TANC1: variants seen among roughly 807,000 people sequenced by gnomAD.
TANC1 encodes the protein tetratricopeptide repeat, ankyrin repeat and coiled-coil containing 1.
TANC1 carries 77 observed loss-of-function variants against 149.7 expected under a neutral mutation model. The ratio of observed to expected loss-of-function variants is 0.51; its 90% CI spans 0.43 to 0.62. The LOEUF (loss-of-function observed/expected upper bound fraction) is 0.62. TANC1 is among the 20% of genes least tolerant of loss of function. TANC1 has a pLI of 0.00. For missense variants in TANC1, 1,985 were observed against 2,321.8 expected, an observed-to-expected ratio of 0.85 and a Z score of 2.98; for synonymous variants, 854 against 925.0, an observed-to-expected ratio of 0.92 and a Z score of 1.39.
chr2:159,228,515 CCT>C (rs760684296), intron 25 of TANC1: 59 of 419,668 alleles, frequency 1.4e-4, no homozygotes, highest in Non-Finnish European at 2.3e-4. Context: ...TGTCTGCGCT[CCT>C]CTCTGAGGCT....
Position 159,172,181 on chromosome 2 carries a change from G to A in TANC1, c.1412G>A (p.Ser471Asn), listed in dbSNP as rs1426021254. ...TTGCTTTCACCGAGTTCTTCCACAAGTGCTTCCAGCACAGCTAAAACACCT... is the reference window on the plus strand; with the variant it reads ...TTGCTTTCACCGAGTTCTTCCACAAATGCTTCCAGCACAGCTAAAACACCT... ...TPLLSPSSSTSASSTAKTPLG... is the reference protein window; with the variant it reads ...TPLLSPSSSTNASSTAKTPLG... Residue 471 changes from serine (S) to asparagine (N), a missense_variant, in exon 11 of 27, where the codon AGT becomes AAT. Physicochemically the swap from Ser to Asn is conservative, Grantham distance 46 (BLOSUM62 1). Coordinates refer to ENST00000263635, the MANE Select transcript of TANC1 (RefSeq NM_033394.3). 4.3e-6 allele frequency: 7 copies of A among 1,614,076 alleles called. No individual in the cohort carries two copies. The Admixed American group carries it at 1.2e-4, about 27-fold the overall frequency.
intron 4 of TANC1, among the ~76,000 whole-genome samples, chr2:159,105,470 A>G (rs1388327474): frequency 3.3e-5 from 5 of 152,144 alleles, no homozygotes; most frequent in Admixed American, 6.5e-5. Flanking sequence ...TAGAACTTCC[A>G]ACAGGAATAC....
chr2:159,170,503 T>A (rs1336394304), intron 9 of TANC1, 21 bp from the exon 10 acceptor site: 2 of 1,549,578 alleles, frequency 1.3e-6, no homozygotes, highest in Non-Finnish European at 1.7e-6. Flanking sequence ...TTTTCTAAAA[T>A]TTTTTTTTCT....
chr2:159,136,078 G>T, intron 4 of TANC1, 116 bp from the exon 5 acceptor site: 1 of 649,760 alleles, frequency 1.5e-6, no homozygotes. Flanking sequence ...GGGAGGGGAA[G>T]GCACTGGCTC....
intron 2 of TANC1, among the ~76,000 whole-genome samples, chr2:159,020,067 T>C (rs1034474724): frequency 6.6e-6 from 1 of 152,208 alleles, no homozygotes; most frequent in Non-Finnish European, 1.5e-5. Flanking sequence ...TAATTTATTG[T>C]TTCATTACGG....
chr2:159,201,085 G>A (rs2058211079), intron 19 of TANC1, among the ~76,000 whole-genome samples: 1 of 152,012 alleles, frequency 6.6e-6, no homozygotes, highest in African/African-American at 2.4e-5. Context: ...GCTTTCTGTG[G>A]ACTGCATGTC....
At chr2:159,201,010 C>T (rs1258705527) in intron 19 of TANC1, among the ~76,000 whole-genome samples, 4 of 151,814 alleles carry the variant, frequency 2.6e-5, no homozygotes, top group Non-Finnish European at 4.4e-5. Context: ...TTACTTGAGA[C>T]GTTTGTTAAA....
intron 1 of TANC1, among the ~76,000 whole-genome samples, chr2:158,981,519 AT>A (rs2034359916): frequency 8.2e-6 from 1 of 121,504 alleles, no homozygotes; most frequent in Non-Finnish European, 1.8e-5. Context: ...ATATATATAT[AT>A]ATATATATAT....
chr2:159,006,460 T>G (rs2037190477), intron 2 of TANC1, among the ~76,000 whole-genome samples: 1 of 152,200 alleles, frequency 6.6e-6, no homozygotes, highest in African/African-American at 2.4e-5. Flanking sequence ...GGTACAGTAG[T>G]CTTTAAACAT....
chr2:159,226,217 C>A (rs2060018081), intron 24 of TANC1: 1 of 179,336 alleles, frequency 5.6e-6, no homozygotes, highest in Admixed American at 6.2e-5. Flanking sequence ...TGGCCTCATG[C>A]CCGTTGTTGG....
intron 1 of TANC1, among the ~76,000 whole-genome samples, chr2:158,987,713 G>A (rs1299300684): frequency 6.6e-6 from 1 of 152,060 alleles, no homozygotes; most frequent in Non-Finnish European, 1.5e-5. Context: ...TAGTCCCTTT[G>A]CCCCACTATG....
At chr2:159,017,929 A>C (rs2149408612) in intron 2 of TANC1, among the ~76,000 whole-genome samples, 1 of 152,314 alleles carries the variant, frequency 6.6e-6, no homozygotes, top group South Asian at 2.1e-4. Flanking sequence ...GAAATGTAAA[A>C]ATAGTACCCT....
Position 159,186,908 on chromosome 2 carries a change from A to G in TANC1, c.2626A>G (p.Ser876Gly). The change falls in exon 16 of 27, where the codon AGT becomes GGT. Residue 876 changes from serine to glycine, a missense_variant. Ser to Gly is a moderately conservative substitution (Grantham distance 56). This residue lies in a region of TANC1 where 508 missense variants were observed against 714.2 expected (regional missense o/e 0.71). Transcript: ENST00000263635. Reference protein sequence around the residue: ...ILKAHIFKGLSKKTGISSSHL... With the variant: ...ILKAHIFKGLGKKTGISSSHL... Reference sequence around the variant, plus strand: ...CTGTCTCGATTGTTTCCAGGGCCTCAGTAAGAAGACGGGAATTTCTTCAAG... The same window carrying G: ...CTGTCTCGATTGTTTCCAGGGCCTCGGTAAGAAGACGGGAATTTCTTCAAG... 1.2e-6 allele frequency: 2 copies of G among 1,614,200 alleles called. No individual in the cohort carries two copies. The highest frequency in any genetic ancestry group is 1.7e-6 in the Non-Finnish European group (2 of 1,180,034).
intron 3 of TANC1, among the ~76,000 whole-genome samples, chr2:159,072,680 T>C (rs989878655): frequency 3.3e-5 from 5 of 152,132 alleles, no homozygotes; most frequent in African/African-American, 9.7e-5. Context: ...GACGAGTTAA[T>C]GGGTGCAGCA....
At chr2:159,225,842 ACAT>A in intron 24 of TANC1, 63 bp downstream of exon 24, 1 of 1,243,406 alleles carries the variant, frequency 8.0e-7, no homozygotes, top group Admixed American at 1.9e-5. Context: ...TTAATTGGGT[ACAT>A]AATGGCTACA....
At chr2:159,209,342 AGT>A (rs2058835200) in intron 19 of TANC1, among the ~76,000 whole-genome samples, 1 of 152,230 alleles carries the variant, frequency 6.6e-6, no homozygotes, top group Non-Finnish European at 1.5e-5. Context: ...GCTCTTGGAA[AGT>A]ATGTTCTTCT....
chr2:159,110,760 G>A (rs1371567280), intron 4 of TANC1, among the ~76,000 whole-genome samples: 5 of 152,152 alleles, frequency 3.3e-5, no homozygotes, highest in Admixed American at 6.5e-5. Flanking sequence ...AGCTTCCCTC[G>A]TGTGACTTGG....
chr2:158,989,241 G>A (rs191258908), intron 1 of TANC1, among the ~76,000 whole-genome samples: 1 of 152,192 alleles, frequency 6.6e-6, no homozygotes, highest in Admixed American at 6.5e-5. Flanking sequence ...GGGCAAGGTC[G>A]CTCATGCCTA....
chr2:159,194,298 C>T lies in TANC1; in HGVS notation c.2784C>T (p.Tyr928=), dbSNP rs762363273. 2.5e-5 allele frequency: 41 copies of T among 1,614,126 alleles called. No individual in the cohort carries two copies. Among genetic ancestry groups the T allele is most frequent in the Non-Finnish European group, 3.2e-5 (38 of 1,180,046 alleles). Residue 928 remains tyrosine (Y), a synonymous_variant, in exon 17 of 27, where the codon TAC becomes TAT. Transcript: ENST00000263635. ...LLILGGANVN[Y]RTEVLNNAPI... is the part of the protein sequence containing the mutation. ...TTTTGGGAGGGGCCAACGTGAACTA[C>T]AGGACAGAAGTGTTAAATAATGCCC...
Sources: allele counts gnomAD v4.1 joint callset (sites outside exome capture counted in the v4.1 genomes callset), GRCh38; gene constraint gnomAD v4.1.1; regional missense constraint gnomAD v4.1.1; transcripts MANE v1.5; gene names NCBI Gene and HGNC (gene_info 2026-07-23, HGNC 2026-07-21).